The following EFNB2 variants were observed in gnomAD, a reference collection of about 807,000 sequenced individuals.
The protein encoded by EFNB2 is ephrin-B2.
In EFNB2, 5 loss-of-function variants were observed where a neutral mutation model predicts 32.1. That is an observed-to-expected ratio of 0.16 (90% confidence interval 0.08 to 0.33). The LOEUF is 0.33. Ranked by LOEUF, EFNB2 falls within the 10% of genes least tolerant of loss-of-function variation. The pLI, the probability that EFNB2 is intolerant of heterozygous loss-of-function variation, is 1.00. For missense variants in EFNB2, 263 were observed against 422.6 expected, an observed-to-expected ratio of 0.62 and a Z score of 3.31; for synonymous variants, 168 against 166.5, an observed-to-expected ratio of 1.01 and a Z score of -0.07.
chr13:106,496,356 T>G (rs1878590601), intron 2 of EFNB2, among the ~76,000 whole-genome samples: 2 of 152,230 alleles, frequency 1.3e-5, no homozygotes. Context: ...CCTTGTCTTC[T>G]TTTTTCAGCC....
chr13:106,511,237 T>G (rs111324511), intron 2 of EFNB2, among the ~76,000 whole-genome samples: 3 of 152,346 alleles, frequency 2.0e-5, no homozygotes, highest in African/African-American at 7.2e-5. Flanking sequence ...CTCTTTTTTT[T>G]CTTGTTGTTG....
Position 106,493,068 on chromosome 13 carries a change from C to T in EFNB2, c.974G>A (p.Ser325Asn). 1 of 1,612,776 alleles carries T rather than the reference C, an allele frequency of 6.2e-7. No homozygotes were observed. Among genetic ancestry groups the T allele is most frequent in the East Asian group, 2.2e-5 (1 of 44,834 alleles). ...VYIVQEMPPQ[S>N]PANIYYKV The stretch of plus-strand genomic sequence containing the variant: ...GACCTTGTAGTAAATGTTCGCCGGG[C>T]TCTGCGGGGGCATCTCCTGGACGAT... The change falls in exon 5 of 5, where the codon AGC (serine) becomes AAC (asparagine). Residue 325 changes from serine to asparagine, a missense_variant. By Grantham distance (46) the Ser-to-Asn change is conservative. Around this residue, in one of 3 missense-constraint regions of EFNB2, gnomAD observed 172 missense variants for 237.1 expected, o/e 0.73. Coordinates refer to ENST00000646441, the MANE Select transcript of EFNB2 (RefSeq NM_004093.4). This position sits in a 1 kb window ranked among gnomAD's most constrained non-coding sequence, Gnocchi z 6.1.
At chr13:106,515,838 A>G (rs1471837176) in intron 1 of EFNB2, among the ~76,000 whole-genome samples, 3 of 152,180 alleles carry the variant, frequency 2.0e-5, no homozygotes, top group Non-Finnish European at 4.4e-5. Flanking sequence ...ACACTTCCTA[A>G]AGCACCATGG....
chr13:106,519,202 G>A (rs1566461030), intron 1 of EFNB2: 1 of 152,186 alleles, frequency 6.6e-6, no homozygotes, highest in Non-Finnish European at 1.5e-5. Flanking sequence ...CACGATGACA[G>A]TGCTTGGAAA....
chr13:106,492,991 G>A lies in EFNB2; in HGVS notation c.*49C>T, dbSNP rs771536266. ...CTCTCAAACCCTCAAGGGAGGCATCGGGACATTAGGTGTCCTCTGGGAAAG... is the reference window on the plus strand; with the variant it reads ...CTCTCAAACCCTCAAGGGAGGCATCAGGACATTAGGTGTCCTCTGGGAAAG... On this transcript the variant is annotated 3_prime_UTR_variant, in exon 5 of 5. Transcript: ENST00000646441. The surrounding 1 kb of genome is among the most constrained non-coding windows in gnomAD (Gnocchi z 5.1). 1.7e-5 allele frequency: 26 copies of A among 1,549,274 alleles called. No homozygotes were observed. The highest frequency in any genetic ancestry group is 4.1e-5 in the African/African-American group (3 of 73,884).
chr13:106,514,667 T>C (rs1249914154), intron 1 of EFNB2, among the ~76,000 whole-genome samples: 1 of 152,214 alleles, frequency 6.6e-6, no homozygotes, highest in Admixed American at 6.5e-5. Context: ...CTTTAAGGTT[T>C]ACAAACACCA....
At chr13:106,530,620 A>C (rs1275827697) in intron 1 of EFNB2, among the ~76,000 whole-genome samples, 3 of 152,128 alleles carry the variant, frequency 2.0e-5, no homozygotes, top group African/African-American at 7.2e-5. Context: ...CTTTCCTAAA[A>C]ATTTTTTTAT....
chr13:106,513,220 G>C (rs1481612875), intron 1 of EFNB2, among the ~76,000 whole-genome samples: 2 of 152,134 alleles, frequency 1.3e-5, no homozygotes, highest in African/African-American at 2.4e-5. Context: ...GAGAAAGCTC[G>C]TCAATTGGAG....
chr13:106,494,123 A>T (rs972596209), intron 4 of EFNB2, among the ~76,000 whole-genome samples: 2 of 152,254 alleles, frequency 1.3e-5, no homozygotes, highest in Non-Finnish European at 2.9e-5. Context: ...TGTCATTGAA[A>T]GTTAGAAATA....
Position 106,535,599 on chromosome 13 carries a change from G to C in EFNB2, c.-635C>G, listed in dbSNP as rs1158906022. ...CCTTTGTGTGCGGGGAGGGCGCCGGGACCCGCTGCGTGCGCAGCTCCTCGC... is the reference window on the plus strand; with the variant it reads ...CCTTTGTGTGCGGGGAGGGCGCCGGCACCCGCTGCGTGCGCAGCTCCTCGC... On this transcript the variant is annotated 5_prime_UTR_variant, in exon 1 of 5. Coordinates refer to ENST00000646441, the MANE Select transcript of EFNB2 (RefSeq NM_004093.4). 1.3e-5 allele frequency: 2 copies of C among 150,532 alleles called. No individual in the cohort carries two copies. Among genetic ancestry groups the C allele is most frequent in the East Asian group, 2.0e-4 (1 of 5,028 alleles). The allele number at this position is 150,532 out of a possible 1,614,324, so 9.3% of individuals were successfully genotyped here. A position where few individuals can be genotyped will look rare whatever the true frequency, so the allele number is the denominator to read the frequency against.
intron 2 of EFNB2, among the ~76,000 whole-genome samples, chr13:106,501,216 A>AT (rs1277826750): frequency 6.6e-6 from 1 of 152,218 alleles, no homozygotes; most frequent in Non-Finnish European, 1.5e-5. Flanking sequence ...AAACATGGAA[A>AT]TGATAGTGTT....
intron 1 of EFNB2, among the ~76,000 whole-genome samples, 154 bp from the exon 2 acceptor site, chr13:106,512,966 G>C (rs1171375544): frequency 6.6e-6 from 1 of 152,124 alleles, no homozygotes; most frequent in Admixed American, 6.5e-5. Flanking sequence ...AGATCAATAT[G>C]GGATGAATGT....
intron 1 of EFNB2, among the ~76,000 whole-genome samples, chr13:106,513,855 TA>T (rs2138923054): frequency 6.6e-6 from 1 of 152,302 alleles, no homozygotes; most frequent in South Asian, 2.1e-4. Flanking sequence ...ACCCTTTCTT[TA>T]ACCAGAGACG....
chr13:106,534,755 G>A (rs1880005349), intron 1 of EFNB2, 88 bp downstream of exon 1: 5 of 1,450,020 alleles, frequency 3.4e-6, no homozygotes, highest in East Asian at 5.5e-5. Context: ...AACAGGCTCC[G>A]AGGCCCCGCG....
chr13:106,515,609 T>G (rs1879286224), intron 1 of EFNB2, among the ~76,000 whole-genome samples: 1 of 152,202 alleles, frequency 6.6e-6, no homozygotes, highest in African/African-American at 2.4e-5. Context: ...TTCCTTTAAT[T>G]AAATCAATAC....
chr13:106,508,109 C>T (rs1162320443), intron 2 of EFNB2, among the ~76,000 whole-genome samples: 4 of 152,096 alleles, frequency 2.6e-5, no homozygotes, highest in Non-Finnish European at 5.9e-5. Context: ...ACAGAACCTT[C>T]GTAAGGACAG....
At chr13:106,525,066 A>G (rs948319547) in intron 1 of EFNB2, among the ~76,000 whole-genome samples, 23 of 152,248 alleles carry the variant, frequency 1.5e-4, no homozygotes, top group Non-Finnish European at 4.4e-5. Context: ...ACTGACTTTT[A>G]TTAATAACAA....
intron 2 of EFNB2, among the ~76,000 whole-genome samples, chr13:106,509,427 T>C (rs911616587): frequency 2.6e-5 from 4 of 152,208 alleles, no homozygotes; most frequent in African/African-American, 9.7e-5. Context: ...GTTAAACCCA[T>C]GTAGAATTTA....
chr13:106,515,965 GAGGGC>G (rs1358074975), intron 1 of EFNB2, among the ~76,000 whole-genome samples: 8 of 152,206 alleles, frequency 5.3e-5, no homozygotes, highest in Non-Finnish European at 1.0e-4. Context: ...CTAGCTCCCT[GAGGGC>G]AGGCAAGTCC....
Sources: gnomAD v4.1 joint callset for allele counts (sites outside exome capture counted in the v4.1 genomes callset) on GRCh38, gnomAD v4.1.1 for gene constraint, gnomAD v4.1.1 regional missense constraint, Gnocchi (gnomAD v3.1) non-coding constraint, MANE v1.5 for transcripts, NCBI Gene and HGNC (gene_info 2026-07-23, HGNC 2026-07-21) for gene names.